RBMS3: variants seen among roughly 807,000 people sequenced by gnomAD.
RBMS3 encodes RNA binding motif single stranded interacting protein 3, also known as RNA-binding motif, single-stranded-interacting protein 3.
A neutral mutation model predicts 66.8 loss-of-function variants in RBMS3; 27 were observed. The ratio of observed to expected loss-of-function variants is 0.40; its 90% CI spans 0.30 to 0.56. The LOEUF is 0.56. Among genes scored for constraint, RBMS3 ranks in the 20% least tolerant of loss-of-function variants. The pLI is 0.40. For missense variants in RBMS3, 513 were observed against 549.5 expected, an observed-to-expected ratio of 0.93 and a Z score of 0.66; for synonymous variants, 188 against 183.0, an observed-to-expected ratio of 1.03 and a Z score of -0.22.
chr3:29,744,285 T>C (rs1179219380), intron 5 of RBMS3, among the ~76,000 whole-genome samples: 2 of 152,330 alleles, frequency 1.3e-5, no homozygotes, highest in African/African-American at 2.4e-5. Context: ...AGCAAATTTC[T>C]TATGATAAAT....
intron 4 of RBMS3, among the ~76,000 whole-genome samples, chr3:29,739,006 AAGTGTTTGGAACAATGCTT>A: frequency 6.6e-6 from 1 of 152,334 alleles, no homozygotes; most frequent in African/African-American, 2.4e-5. Context: ...AATGCATGTT[AAGTGTTTGGAACAATGCTT>A]AGCATATTAT....
In RBMS3 at chr3:30,003,941, G is replaced by C; in HGVS notation, c.*79G>C. The C allele has an allele frequency of 8.2e-7, 1 of 1,225,824 alleles. No homozygotes were observed. Among genetic ancestry groups the C allele is most frequent in the Non-Finnish European group, 1.1e-6 (1 of 913,094 alleles). 75.9% of individuals were successfully genotyped at this position (1,225,824 alleles called of 1,614,324 possible). On this transcript the variant is annotated 3_prime_UTR_variant, in exon 15 of 15. Transcript: ENST00000383767. Reference sequence around the variant, plus strand: ...TGAACAAGAAGTTGGCTTCCAGTTTGCACAGACGTCAATGGAATGCATTTT... The same window carrying C: ...TGAACAAGAAGTTGGCTTCCAGTTTCCACAGACGTCAATGGAATGCATTTT...
At chr3:29,530,222 T>C (rs959947026) in intron 3 of RBMS3, among the ~76,000 whole-genome samples, 8 of 152,202 alleles carry the variant, frequency 5.3e-5, no homozygotes, top group African/African-American at 1.9e-4. Context: ...AACCCTCTTT[T>C]ATAAAATTCA....
chr3:29,588,893 A>T (rs1376733589), intron 4 of RBMS3, among the ~76,000 whole-genome samples: 1 of 152,092 alleles, frequency 6.6e-6, no homozygotes, highest in African/African-American at 2.4e-5. Context: ...ACTGAAAGTA[A>T]CACCTACTTC....
At chr3:29,601,022 A>G (rs1382805718) in intron 4 of RBMS3, among the ~76,000 whole-genome samples, 1 of 152,078 alleles carries the variant, frequency 6.6e-6, no homozygotes, top group Non-Finnish European at 1.5e-5. Context: ...GGATTGTCAG[A>G]GCATGAACAG....
intron 10 of RBMS3, among the ~76,000 whole-genome samples, chr3:29,919,703 G>A (rs1031659442): frequency 2.0e-5 from 3 of 152,136 alleles, no homozygotes. Context: ...ATCCTGCCTT[G>A]AACTACATTC....
In RBMS3 at chr3:29,478,558, A is replaced by G. The variant is rs140081557; in HGVS notation, c.249-9883A>G. Among the ~76,000 whole-genome samples the G allele has an allele frequency of 7.0e-3, 1,065 of 152,270 alleles. 52 individuals carry two copies. The highest frequency in any genetic ancestry group is 0.062 in the Admixed American group (943 of 15,286). ...AACAGATGAATTTTGGGAAAATACA[A>G]ACATTCATACTGTAGCACCAAGAAT... On this transcript the variant is annotated intron_variant, in intron 2 of 14. Transcript: ENST00000383767.
chr3:29,446,263 T>C (rs1026156710), intron 2 of RBMS3, among the ~76,000 whole-genome samples: 1 of 152,292 alleles, frequency 6.6e-6, no homozygotes, highest in Admixed American at 6.5e-5. Context: ...CCCTCAATAA[T>C]TGTTCATTAT....
chr3:29,881,168 G>A (rs1003761172), intron 7 of RBMS3, among the ~76,000 whole-genome samples: 1 of 151,162 alleles, frequency 6.6e-6, no homozygotes, highest in African/African-American at 2.4e-5. Context: ...ACTCCTTTTT[G>A]CCTGAGCTGG....
chr3:29,567,292 T>C (rs2149060255), intron 3 of RBMS3, among the ~76,000 whole-genome samples: 1 of 152,256 alleles, frequency 6.6e-6, no homozygotes, highest in East Asian at 1.9e-4. Context: ...GAAAAGAAAT[T>C]GATTTCCAGG....
At chr3:29,613,787 T>C (rs913530002) in intron 4 of RBMS3, among the ~76,000 whole-genome samples, 5 of 152,012 alleles carry the variant, frequency 3.3e-5, no homozygotes, top group African/African-American at 1.2e-4. Context: ...ATTAAAATCA[T>C]AATGTGATAT....
chr3:29,707,152 C>A (rs1336204736), intron 4 of RBMS3, among the ~76,000 whole-genome samples: 1 of 152,162 alleles, frequency 6.6e-6, no homozygotes, highest in Non-Finnish European at 1.5e-5. Context: ...TTTTTCACAT[C>A]TGGAAAATGT....
intron 12 of RBMS3, among the ~76,000 whole-genome samples, chr3:29,987,612 A>T (rs1479958419): frequency 1.3e-5 from 2 of 152,214 alleles, no homozygotes; most frequent in Admixed American, 1.3e-4. Context: ...TATTTAAAAA[A>T]GTGATGCAAA....
intron 4 of RBMS3, among the ~76,000 whole-genome samples, chr3:29,728,299 G>C (rs977304383): frequency 2.6e-5 from 4 of 152,014 alleles, no homozygotes; most frequent in African/African-American, 4.8e-5. Context: ...GGTGCAGCAA[G>C]CCACCATGGC....
intron 5 of RBMS3, among the ~76,000 whole-genome samples, chr3:29,760,285 C>CCA (rs2055619602): frequency 1.4e-5 from 2 of 147,640 alleles, no homozygotes; most frequent in Admixed American, 1.3e-4. Flanking sequence ...ACACACACCC[C>CCA]TACACACACA....
At chr3:29,830,599 G>A (rs1005071482) in intron 6 of RBMS3, among the ~76,000 whole-genome samples, 2 of 152,138 alleles carry the variant, frequency 1.3e-5, no homozygotes, top group African/African-American at 2.4e-5. Context: ...AAGCTGCCTA[G>A]AGACTTTCCG....
chr3:29,360,082 C>T (rs1338338933), intron 1 of RBMS3, among the ~76,000 whole-genome samples: 1 of 152,174 alleles, frequency 6.6e-6, no homozygotes, highest in Non-Finnish European at 1.5e-5. Flanking sequence ...TCCTTGCCTT[C>T]TGCAAGCTTC....
chr3:29,610,453 A>G (rs1188375238), intron 4 of RBMS3, among the ~76,000 whole-genome samples: 3 of 151,390 alleles, frequency 2.0e-5, no homozygotes, highest in Admixed American at 1.3e-4. Flanking sequence ...CACTTCTTGC[A>G]GGACCATTTT....
intron 6 of RBMS3, among the ~76,000 whole-genome samples, chr3:29,829,527 C>T (rs944763511): frequency 6.6e-6 from 1 of 152,196 alleles, no homozygotes; most frequent in African/African-American, 2.4e-5. Flanking sequence ...GCTCCCAACA[C>T]AACAGTCTTC....
Sources: allele counts gnomAD v4.1 joint callset (sites outside exome capture counted in the v4.1 genomes callset), GRCh38; gene constraint gnomAD v4.1.1; transcripts MANE v1.5; gene names NCBI Gene and HGNC (gene_info 2026-07-23, HGNC 2026-07-21).